Variants in XAB2 observed in about 807,000 individuals in gnomAD.
XAB2 encodes pre-mRNA-splicing factor SYF1.
A neutral mutation model predicts 113.4 loss-of-function variants in XAB2; 57 were observed. That is an observed-to-expected ratio of 0.50 (90% CI 0.41 to 0.63). The LOEUF (loss-of-function observed/expected upper bound fraction) is 0.63, where lower values mean the gene tolerates loss of function less well. Among genes scored for constraint, XAB2 ranks in the 20% least tolerant of loss-of-function variants. The pLI is 0.00. For synonymous variants in XAB2, 497 were observed against 498.8 expected, an observed-to-expected ratio of 1.00 and a Z score of 0.05; for missense variants, 1,037 against 1,233.3, an observed-to-expected ratio of 0.84 and a Z score of 2.38.
At chr19:7,620,812 C>A in intron 14 of XAB2, 34 bp downstream of exon 14, 1 of 1,564,120 alleles carries the variant, frequency 6.4e-7, no homozygotes, top group Non-Finnish European at 8.7e-7. Flanking sequence ...GCTCAGGGAC[C>A]TCTGGCCCCG....
Position 7,625,651 on chromosome 19 carries a change from G to T in XAB2, c.822+229C>A, listed in dbSNP as rs1217725056. ...GCACCACCATGTCTGACTAATTTTT[G>T]TATTTTTAGTAGTGATGGGGTTTCA... On this transcript the variant is annotated intron_variant, in intron 6 of 18. Coordinates refer to ENST00000358368, the MANE Select transcript of XAB2 (RefSeq NM_020196.3). This position sits in a 1 kb window ranked among gnomAD's most constrained non-coding sequence, Gnocchi z 5.2. Among the ~76,000 whole-genome samples, 1 of 151,946 alleles carries T rather than the reference G, an allele frequency of 6.6e-6. No individual in the cohort carries two copies. The highest frequency in any genetic ancestry group is 6.6e-5 in the Admixed American group (1 of 15,252).
At chr19:7,620,207 C>T (rs541854702) in intron 16 of XAB2, 68 bp downstream of exon 16, 131 of 1,603,900 alleles carry the variant, frequency 8.2e-5, no homozygotes, top group Non-Finnish European at 1.0e-4. Flanking sequence ...CTCCCAGACC[C>T]GGAAAGCCCA....
At chr19:7,622,215 A>G (rs890661778) in intron 12 of XAB2, 116 bp downstream of exon 12, 32 of 982,794 alleles carry the variant, frequency 3.3e-5, no homozygotes, top group Non-Finnish European at 4.6e-5. Flanking sequence ...TTGTTGTTTA[A>G]GTCACCCAGT....
chr19:7,619,705 A>G (rs2030984616), intron 18 of XAB2, 42 bp downstream of exon 18: 2 of 1,609,696 alleles, frequency 1.2e-6, no homozygotes, highest in Non-Finnish European at 1.7e-6. Flanking sequence ...CCCGAGGCCC[A>G]CCCTGGTAAT....
chr19:7,624,058 T>C lies in XAB2; in HGVS notation c.968-176A>G, dbSNP rs1032400341. 3.7e-5 allele frequency among the ~76,000 whole-genome samples: 5 copies of C among 134,998 alleles called. No individual in the cohort carries two copies. Among genetic ancestry groups the C allele is most frequent in the Non-Finnish European group, 7.8e-5 (5 of 63,714 alleles). The allele number at this position is 134,998 out of a possible 152,430, so 88.6% of individuals were successfully genotyped here. A position where few individuals can be genotyped will look rare whatever the true frequency, so the allele number is the denominator to read the frequency against. ...CACCCCCAGCCCCAGGTACTGTGGA[T>C]ACCCCCTCCTACCCCCACTGTTCCC... On this transcript the variant is annotated intron_variant, in intron 7 of 18. Transcript: ENST00000358368. This position sits in a 1 kb window ranked among gnomAD's most constrained non-coding sequence, Gnocchi z 4.2.
chr19:7,623,207 A>C lies in XAB2; in HGVS notation c.1202T>G (p.Phe401Cys), dbSNP rs780234078. The C allele has an allele frequency of 6.2e-7, 1 of 1,613,834 alleles. No homozygotes were observed. The highest frequency in any genetic ancestry group is 1.7e-5 in the Admixed American group (1 of 60,026). Residue 401 changes from phenylalanine to cysteine, a missense_variant, in exon 9 of 19, where the codon TTT (phenylalanine) becomes TGT (cysteine). By Grantham distance (205) the Phe-to-Cys change is radical. Transcript: ENST00000358368. This position sits in a 1 kb window ranked among gnomAD's most constrained non-coding sequence, Gnocchi z 4.6. ...TGKPHTLWVA[F>C]AKFYEDNGQL... The stretch of plus-strand genomic sequence containing the variant: ...TCCGTTGTCCTCATAAAACTTGGCA[A>C]ACGCCACCCACAGAGTGTGGGGCTT...
rs773983506 is a variant in XAB2, at chr19:7,625,979, G to A, written c.723C>T (p.Asp241=). The A allele has an allele frequency of 2.5e-5, 41 of 1,613,664 alleles. No individual in the cohort carries two copies. The highest frequency in any genetic ancestry group is 1.3e-4 in the Admixed American group (8 of 59,956). ...NPDKVQSLNV[D]AIIRGGLTRF... ...GGGTGAGGCCCCCGCGGATGATGGC[G>A]TCCACATTGAGGGACTGTACCTTGT... The change falls in exon 6 of 19, where the codon GAC becomes GAT. Residue 241 remains aspartate (D), a synonymous_variant. Coordinates refer to ENST00000358368, the MANE Select transcript of XAB2 (RefSeq NM_020196.3). The surrounding 1 kb of genome is among the most constrained non-coding windows in gnomAD (Gnocchi z 5.2).
rs144183319 is a variant in XAB2 at position 7,627,281 on chromosome 19, G to A, written c.484C>T (p.Pro162Ser). The A allele has an allele frequency of 1.9e-6, 3 of 1,613,508 alleles. No homozygotes were observed. Among genetic ancestry groups the A allele is most frequent in the African/African-American group, 1.3e-5 (1 of 74,944 alleles). Residue 162 changes from proline (P) to serine (S), a missense_variant, in exon 4 of 19, where the codon CCT (proline) becomes TCT (serine). Transcript: ENST00000358368. The surrounding 1 kb of genome is among the most constrained non-coding windows in gnomAD (Gnocchi z 4.5). ...CGATAGCCTCGCACAGCTGTCTCAG[G>A]CAGTGGGTGTGAGCGCAGGAAGCGC... ...YLRFLRSHPL[P>S]ETAVRGYRRF...
chr19:7,619,908 C>T (rs747229954), intron 17 of XAB2, 38 bp downstream of exon 17: 5 of 1,609,594 alleles, frequency 3.1e-6, no homozygotes, highest in South Asian at 2.2e-5. Flanking sequence ...CCCTTGGGAC[C>T]TGTCCCAGTC....
Position 7,626,256 on chromosome 19 carries a change from ACT to A in XAB2, c.535_536del (p.Ser179CysfsTer6). The A allele has an allele frequency of 6.2e-7, 1 of 1,611,448 alleles. No homozygotes were observed. Among genetic ancestry groups the A allele is most frequent in the Non-Finnish European group, 8.5e-7 (1 of 1,179,566 alleles). The stretch of plus-strand genomic sequence containing the variant: ...TGAGGTACTCAATGTACTCCTCTGC[ACT>A]CTCAGGACTCAGCTGGGGACCGAGC... Reference protein sequence around the residue: ...YRRFLKLSPESAEEYIEYLKS... With the variant: ...YRRFLKLSPEXAEEYIEYLKS... On this transcript the variant is annotated frameshift_variant, in exon 5 of 19. Transcript: ENST00000358368. LOFTEE classifies it high-confidence loss of function.
chr19:7,627,135 C>T lies in XAB2; in HGVS notation c.522+108G>A. The T allele has an allele frequency of 1.6e-6, 2 of 1,260,586 alleles. No homozygotes were observed. The highest frequency in any genetic ancestry group is 2.3e-5 in the East Asian group (1 of 42,824). 78.1% of individuals were successfully genotyped at this position (1,260,586 alleles called of 1,614,324 possible). On this transcript the variant is annotated intron_variant, in intron 4 of 18. Coordinates refer to ENST00000358368, the MANE Select transcript of XAB2 (RefSeq NM_020196.3). The surrounding 1 kb of genome is among the most constrained non-coding windows in gnomAD (Gnocchi z 4.5). ...AACAAAACACATGCATCTCCAGGAG[C>T]CTCTTCCCACATCCCGTCTGCTGGG...
At chr19:7,620,800 C>A (rs1169929645) in intron 14 of XAB2, 46 bp downstream of exon 14, 28 of 1,564,392 alleles carry the variant, frequency 1.8e-5, no homozygotes, top group Non-Finnish European at 2.4e-5. Context: ...CCCCTTCCGT[C>A]TGCTCAGGGA....
chr19:7,627,116 A>ATCTC lies in XAB2; in HGVS notation c.522+126_522+127insGAGA. 2.8e-6 allele frequency: 3 copies of ATCTC among 1,085,802 alleles called. No individual in the cohort carries two copies. The highest frequency in any genetic ancestry group is 4.0e-6 in the Non-Finnish European group (3 of 752,076). 67.3% of individuals were successfully genotyped at this position (1,085,802 alleles called of 1,614,324 possible). On this transcript the variant is annotated intron_variant, in intron 4 of 18. Coordinates refer to ENST00000358368, the MANE Select transcript of XAB2 (RefSeq NM_020196.3). The surrounding 1 kb of genome is among the most constrained non-coding windows in gnomAD (Gnocchi z 4.5). ...GACATGAATCACGGACAACAACAAA[A>ATCTC]CACATGCATCTCCAGGAGCCTCTTC...
chr19:7,627,270 A>C lies in XAB2; in HGVS notation c.495T>G (p.Ala165=), dbSNP rs1160435597. 1.9e-6 allele frequency: 3 copies of C among 1,613,528 alleles called. No homozygotes were observed. Among genetic ancestry groups the C allele is most frequent in the Non-Finnish European group, 2.5e-6 (3 of 1,180,020 alleles). The change falls in exon 4 of 19, where the codon GCT becomes GCG. Residue 165 remains alanine (A), a synonymous_variant. Coordinates refer to ENST00000358368, the MANE Select transcript of XAB2 (RefSeq NM_020196.3). This position sits in a 1 kb window ranked among gnomAD's most constrained non-coding sequence, Gnocchi z 4.5. ...TGAGGAAGCGCCGATAGCCTCGCACAGCTGTCTCAGGCAGTGGGTGTGAGC... is the reference window on the plus strand; with the variant it reads ...TGAGGAAGCGCCGATAGCCTCGCACCGCTGTCTCAGGCAGTGGGTGTGAGC... ...FLRSHPLPET[A]VRGYRRFLKL...
chr19:7,625,805 A>T lies in XAB2; in HGVS notation c.822+75T>A. The T allele has an allele frequency of 6.6e-7, 1 of 1,521,296 alleles. No individual in the cohort carries two copies. The highest frequency in any genetic ancestry group is 8.9e-7 in the Non-Finnish European group (1 of 1,129,044). The allele number at this position is 1,521,296 out of a possible 1,614,324, so 94.2% of individuals were successfully genotyped here. ...TAAATGGCATGTTTTCTGCCTGTGC[A>T]TGTGTCAACATGTGTCCCCGAGTGT... is the stretch of plus-strand genomic sequence containing the variant. On this transcript the variant is annotated intron_variant, in intron 6 of 18. Coordinates refer to ENST00000358368, the MANE Select transcript of XAB2 (RefSeq NM_020196.3). This position sits in a 1 kb window ranked among gnomAD's most constrained non-coding sequence, Gnocchi z 5.2.
In XAB2 at chr19:7,621,263, G is replaced by A. The variant is rs769987423; in HGVS notation, c.1652C>T (p.Pro551Leu). ...YERGISLFKW[P>L]NVSDIWSTYL... ...GGTGCTCCAGATGTCGGACACGTTG[G>A]GCCACTTGAACAGCGAGATGCCGCG... is the stretch of plus-strand genomic sequence containing the variant. Residue 551 changes from proline (P) to leucine (L), a missense_variant, in exon 13 of 19, where the codon CCC becomes CTC. Transcript: ENST00000358368. 1.2e-4 allele frequency: 190 copies of A among 1,612,924 alleles called. No homozygotes were observed. Among genetic ancestry groups the A allele is most frequent in the Non-Finnish European group, 1.6e-4 (183 of 1,179,978 alleles).
At chr19:7,621,094 A>AACCCCCCCCCCCCC in intron 13 of XAB2, 41 bp downstream of exon 13, 10 of 1,494,418 alleles carry the variant, frequency 6.7e-6, no homozygotes, top group African/African-American at 1.4e-5. Flanking sequence ...TCAGAAACCC[A>AACCCCCCCCCCCCC]GCCCGCCCGC....
In XAB2 at chr19:7,620,905, G is replaced by A. The variant is rs376028696; in HGVS notation, c.1912C>T (p.Arg638Trp). Residue 638 changes from arginine (R) to tryptophan (W), a missense_variant, in exon 14 of 19, where the codon CGG becomes TGG. Physicochemically the swap from Arg to Trp is moderately radical, Grantham distance 101. Coordinates refer to ENST00000358368, the MANE Select transcript of XAB2 (RefSeq NM_020196.3). ...QYDMFNIYIKRAAEIYGVTHT... is the reference protein window; with the variant it reads ...QYDMFNIYIKWAAEIYGVTHT... ...GTGACCCCATAGATCTCGGCCGCCC[G>A]CTTGATGTAGATGTTGAACATGTCA... is the stretch of plus-strand genomic sequence containing the variant. The A allele has an allele frequency of 2.5e-6, 4 of 1,603,044 alleles. No homozygotes were observed. The highest frequency in any genetic ancestry group is 1.3e-5 in the African/African-American group (1 of 74,894).
chr19:7,621,616 A>AC (rs1293273245), intron 12 of XAB2: 4 of 394,196 alleles, frequency 1.0e-5, no homozygotes, highest in African/African-American at 6.0e-5. Context: ...AGAAGGCCGC[A>AC]CCCCCTGACA....
Sources: gnomAD v4.1 joint callset for allele counts (sites outside exome capture counted in the v4.1 genomes callset) on GRCh38, gnomAD v4.1.1 for gene constraint, Gnocchi (gnomAD v3.1) non-coding constraint, MANE v1.5 for transcripts, NCBI Gene and HGNC (gene_info 2026-07-23, HGNC 2026-07-21) for gene names.